Variants in DYNC1H1 observed in about 807,000 individuals in gnomAD.
DYNC1H1 encodes the protein dynein cytoplasmic 1 heavy chain 1, also known as cytoplasmic dynein 1 heavy chain 1.
A neutral mutation model predicts 527.1 loss-of-function variants in DYNC1H1; 51 were observed. The observed-to-expected ratio is 0.10, with a 90% CI of 0.08 to 0.12. The LOEUF (loss-of-function observed/expected upper bound fraction) is 0.12, where lower values mean the gene tolerates loss of function less well. Among genes scored for constraint, DYNC1H1 ranks in the 10% least tolerant of loss-of-function variants. The pLI is 1.00. For synonymous variants in DYNC1H1, 2,189 were observed against 2,278.8 expected, an observed-to-expected ratio of 0.96 and a Z score of 1.12; for missense variants, 2,771 against 5,971.8, an observed-to-expected ratio of 0.46 and a Z score of 17.66.
At position 101,986,572 on chromosome 14, in the gene DYNC1H1, G is replaced by A. The variant is rs1566999327; in HGVS notation, c.2347G>A (p.Glu783Lys). ...TTACCCGTTTGCCATCTCACTGATC[G>A]AGAGCGTTCGTACCTATGAACGGAC... Reference protein sequence around the residue: ...QLYPFAISLIESVRTYERTCE... With the variant: ...QLYPFAISLIKSVRTYERTCE... The change falls in exon 8 of 78, where the codon GAG becomes AAG. Residue 783 changes from glutamate to lysine, a missense_variant. Transcript: ENST00000360184. The surrounding 1 kb of genome is among the most constrained non-coding windows in gnomAD (Gnocchi z 8.7). The A allele has an allele frequency of 6.2e-7, 1 of 1,614,112 alleles. No homozygotes were observed. Among genetic ancestry groups the A allele is most frequent in the Non-Finnish European group, 8.5e-7 (1 of 1,180,030 alleles).
intron 23 of DYNC1H1, among the ~76,000 whole-genome samples, chr14:102,003,299 G>A (rs2048152766): frequency 6.9e-6 from 1 of 144,740 alleles, no homozygotes; most frequent in South Asian, 2.1e-4. Flanking sequence ...GTCTTGCTCT[G>A]TCGCCCAGGC....
At chr14:102,026,763 T>TG (rs2048456008) in intron 44 of DYNC1H1, 56 bp downstream of exon 44, 2 of 1,595,812 alleles carry the variant, frequency 1.3e-6, no homozygotes, top group African/African-American at 1.3e-5. Flanking sequence ...CTTGAGTAAG[T>TG]GTGTGTGCCG....
Position 102,042,529 on chromosome 14 carries a change from G to A in DYNC1H1, c.12399+22G>A. ...CAAGGTGGGTGGTTGAAGGAGTGGAGACGTTGCAGGCTGGCCTGGCACTGT... is the reference window on the plus strand; with the variant it reads ...CAAGGTGGGTGGTTGAAGGAGTGGAAACGTTGCAGGCTGGCCTGGCACTGT... On this transcript the variant is annotated intron_variant, in intron 68 of 77. Transcript: ENST00000360184. The surrounding 1 kb of genome is among the most constrained non-coding windows in gnomAD (Gnocchi z 5.7). 6.2e-7 allele frequency: 1 copy of A among 1,614,126 alleles called. No homozygotes were observed. Among genetic ancestry groups the A allele is most frequent in the Non-Finnish European group, 8.5e-7 (1 of 1,180,016 alleles).
chr14:101,993,088 C>G (rs1320616389), intron 11 of DYNC1H1, among the ~76,000 whole-genome samples: 13 of 151,918 alleles, frequency 8.6e-5, no homozygotes, highest in Non-Finnish European at 1.2e-4. Flanking sequence ...GGAGTCGCGT[C>G]ACACTGAGCA....
Position 102,016,026 on chromosome 14 carries a change from G to A in DYNC1H1, c.7413G>A (p.Gln2471=), listed in dbSNP as rs1595617216. ...ACCAGGCCTGCCGCAACGTGGCGCA[G>A]TATAACGCCAACCATCCCGACTTCC... ...MLHQACRNVA[Q]YNANHPDFPM... is the part of the protein sequence containing the mutation. The change falls in exon 36 of 78, where the codon CAG becomes CAA. Residue 2471 remains glutamine, a synonymous_variant. Coordinates refer to ENST00000360184, the MANE Select transcript of DYNC1H1 (RefSeq NM_001376.5). The surrounding 1 kb of genome is among the most constrained non-coding windows in gnomAD (Gnocchi z 7.3). 1 of 1,613,664 alleles carries A rather than the reference G, an allele frequency of 6.2e-7. No homozygotes were observed. The highest frequency in any genetic ancestry group is 1.1e-5 in the South Asian group (1 of 91,048).
intron 27 of DYNC1H1, among the ~76,000 whole-genome samples, 181 bp from the exon 28 acceptor site, chr14:102,006,827 T>A (rs1181652282): frequency 6.6e-6 from 1 of 151,908 alleles, no homozygotes; most frequent in Non-Finnish European, 1.5e-5. Context: ...CTCGAACTCC[T>A]GACCTCAGGT....
chr14:102,043,127 T>A (rs1022473633), intron 69 of DYNC1H1: 1 of 335,006 alleles, frequency 3.0e-6, no homozygotes, highest in South Asian at 2.4e-5. Context: ...ACTAAAAATA[T>A]AAAAAATTAG....
rs2048334032 is a variant in DYNC1H1 at position 102,017,250 on chromosome 14, A to G, written c.8011A>G (p.Met2671Val). ...CTGTGATGAAATCAACTTGCCAGAT[A>G]TGGATAAATATGGGACCCAGAGGGT... Reference protein sequence around the residue: ...LFCDEINLPDMDKYGTQRVIS... With the variant: ...LFCDEINLPDVDKYGTQRVIS... Residue 2671 changes from methionine to valine, a missense_variant, in exon 39 of 78, where the codon ATG becomes GTG. This residue lies in a region of DYNC1H1 where 163 missense variants were observed against 346.9 expected (regional missense o/e 0.47). Transcript: ENST00000360184. The surrounding 1 kb of genome is among the most constrained non-coding windows in gnomAD (Gnocchi z 4.6). 1 of 1,614,128 alleles carries G rather than the reference A, an allele frequency of 6.2e-7. No individual in the cohort carries two copies. The highest frequency in any genetic ancestry group is 1.3e-5 in the African/African-American group (1 of 74,946).
chr14:102,034,945 A>C, intron 56 of DYNC1H1: 2 of 244,390 alleles, frequency 8.2e-6, no homozygotes, highest in Non-Finnish European at 1.6e-5. Flanking sequence ...AAAACATAAA[A>C]ATAGGCCGGG....
chr14:101,983,095 T>A lies in DYNC1H1; in HGVS notation c.1038T>A (p.Ser346=). The A allele has an allele frequency of 6.2e-7, 1 of 1,614,240 alleles. No individual in the cohort carries two copies. The highest frequency in any genetic ancestry group is 8.5e-7 in the Non-Finnish European group (1 of 1,180,032). The change falls in exon 6 of 78, where the codon TCT becomes TCA. Residue 346 remains serine (S), a synonymous_variant. Coordinates refer to ENST00000360184, the MANE Select transcript of DYNC1H1 (RefSeq NM_001376.5). The surrounding 1 kb of genome is among the most constrained non-coding windows in gnomAD (Gnocchi z 5.3). ...MKDFPLNDLL[S]ATELDKIRQA... is the part of the protein sequence containing the mutation. ...ATTTCCCTCTGAATGATTTGCTGTC[T>A]GCCACGGAGCTGGACAAAATAAGAC...
At position 102,033,596 on chromosome 14, in the gene DYNC1H1, A is replaced by G. The variant is rs554199287; in HGVS notation, c.10413+112A>G. The G allele has an allele frequency of 2.9e-6, 4 of 1,395,720 alleles. No homozygotes were observed. The South Asian group carries it at 4.9e-5, about 17-fold the overall frequency. 86.5% of individuals were successfully genotyped at this position (1,395,720 alleles called of 1,614,324 possible). ...GGCCTCGGTGAATTCGCTCTTTAAC[A>G]TCTGTAAGGCCCCGGAGGACTTTTT... is the stretch of plus-strand genomic sequence containing the variant. On this transcript the variant is annotated intron_variant, in intron 54 of 77. Transcript: ENST00000360184. The surrounding 1 kb of genome is among the most constrained non-coding windows in gnomAD (Gnocchi z 5.6).
At position 101,966,045 on chromosome 14, in the gene DYNC1H1, T is replaced by C. The variant is rs185803550; in HGVS notation, c.256+1098T>C. On this transcript the variant is annotated intron_variant, in intron 1 of 77. Coordinates refer to ENST00000360184, the MANE Select transcript of DYNC1H1 (RefSeq NM_001376.5). ...TCCATCTAAGAACCTAAGGATGATGTCCAAGGTTAGCCTCTAGGGATTGGA... is the reference window on the plus strand; with the variant it reads ...TCCATCTAAGAACCTAAGGATGATGCCCAAGGTTAGCCTCTAGGGATTGGA... 8.5e-5 allele frequency among the ~76,000 whole-genome samples: 13 copies of C among 152,266 alleles called. No homozygotes were observed. In the East Asian group the frequency reaches 2.3e-3, roughly 27 times the overall value.
At position 102,049,183 on chromosome 14, in the gene DYNC1H1, C is replaced by T; in HGVS notation, c.13373-257C>T. 1 of 559,170 alleles carries T rather than the reference C, an allele frequency of 1.8e-6. No individual in the cohort carries two copies. The highest frequency in any genetic ancestry group is 2.0e-5 in the South Asian group (1 of 50,596). The allele number at this position is 559,170 out of a possible 1,614,324, so 34.6% of individuals were successfully genotyped here. A position where few individuals can be genotyped will look rare whatever the true frequency, so the allele number is the denominator to read the frequency against. ...GTTTTGCTTGGATGTGATTATGGTC[C>T]TCCAGAAAGACACACCTGGACTAAT... is the stretch of plus-strand genomic sequence containing the variant. On this transcript the variant is annotated intron_variant, in intron 74 of 77. Coordinates refer to ENST00000360184, the MANE Select transcript of DYNC1H1 (RefSeq NM_001376.5). This position sits in a 1 kb window ranked among gnomAD's most constrained non-coding sequence, Gnocchi z 5.5.
intron 1 of DYNC1H1, among the ~76,000 whole-genome samples, chr14:101,966,910 A>G (rs1325887594): frequency 2.0e-5 from 3 of 152,206 alleles, no homozygotes; most frequent in Non-Finnish European, 4.4e-5. Flanking sequence ...TTCTTTCAGC[A>G]AAACAAATAT....
chr14:102,054,298 G>C lies in DYNC1H1; in HGVS notation c.*3735G>C, dbSNP rs1227648021. The stretch of plus-strand genomic sequence containing the variant: ...TGAGGGGCAAGCGAAGCTGAGGCCA[G>C]ACCCACCCCCGAGTCTTCCCTCTGC... On this transcript the variant is annotated 3_prime_UTR_variant, in exon 78 of 78. Coordinates refer to ENST00000360184, the MANE Select transcript of DYNC1H1 (RefSeq NM_001376.5). 6.6e-6 allele frequency: 1 copy of C among 152,396 alleles called. No individual in the cohort carries two copies. The highest frequency in any genetic ancestry group is 2.4e-5 in the African/African-American group (1 of 41,458). 9.4% of individuals were successfully genotyped at this position (152,396 alleles called of 1,614,324 possible).
rs749713831 is a variant in DYNC1H1 at position 102,038,772 on chromosome 14, C to T, written c.11130C>T (p.Ser3710=). Residue 3710 remains serine (S), a synonymous_variant, in exon 59 of 78, where the codon AGC becomes AGT. Transcript: ENST00000360184. This position sits in a 1 kb window ranked among gnomAD's most constrained non-coding sequence, Gnocchi z 7.2. ...CAGTTACCCGTAGCAGTTTACAAAG[C>T]CAGTGTCTAAATGAAGTACTTAAAG... is the stretch of plus-strand genomic sequence containing the variant. The part of the protein sequence containing the change: ...NFTVTRSSLQ[S]QCLNEVLKAE... The T allele has an allele frequency of 2.1e-5, 34 of 1,614,050 alleles. No homozygotes were observed. Among genetic ancestry groups the T allele is most frequent in the South Asian group, 4.4e-5 (4 of 91,080 alleles).
rs10131565 is a variant in DYNC1H1, at chr14:102,002,379, G to A, written c.4543-158G>A. Among the ~76,000 whole-genome samples, 18,760 of 152,190 alleles carry A rather than the reference G, an allele frequency of 0.12. 1,893 individuals carry two copies. The highest frequency in any genetic ancestry group is 0.28 in the African/African-American group (11,509 of 41,478). ...ACCCGCCTCGGCCTCCCAAAATGCT[G>A]GGATTACAGGCGTGAGCCACCACAC... On this transcript the variant is annotated intron_variant, in intron 21 of 77. Coordinates refer to ENST00000360184, the MANE Select transcript of DYNC1H1 (RefSeq NM_001376.5). This position sits in a 1 kb window ranked among gnomAD's most constrained non-coding sequence, Gnocchi z 4.4.
Position 101,997,516 on chromosome 14 carries a change from C to G in DYNC1H1, c.3804+242C>G, listed in dbSNP as rs1010571128. On this transcript the variant is annotated intron_variant, in intron 16 of 77. Transcript: ENST00000360184. The surrounding 1 kb of genome is among the most constrained non-coding windows in gnomAD (Gnocchi z 4.8). Reference sequence around the variant, plus strand: ...TTTTAAGGATTAAAGTTTTTCTGTTCTTAGATCATTCTCTTACGTAGATAT... The same window carrying G: ...TTTTAAGGATTAAAGTTTTTCTGTTGTTAGATCATTCTCTTACGTAGATAT... 2.0e-5 allele frequency among the ~76,000 whole-genome samples: 3 copies of G among 152,180 alleles called. No individual in the cohort carries two copies. The highest frequency in any genetic ancestry group is 7.2e-5 in the African/African-American group (3 of 41,450).
At chr14:101,982,739 G>A (rs2047883133) in intron 5 of DYNC1H1, among the ~76,000 whole-genome samples, 1 of 148,404 alleles carries the variant, frequency 6.7e-6, no homozygotes, top group Non-Finnish European at 1.5e-5. Context: ...AATGTTGAGG[G>A]CCACTGATAT....
Sources: gnomAD v4.1 joint callset for allele counts (sites outside exome capture counted in the v4.1 genomes callset) on GRCh38, gnomAD v4.1.1 for gene constraint, gnomAD v4.1.1 regional missense constraint, Gnocchi (gnomAD v3.1) non-coding constraint, MANE v1.5 for transcripts, NCBI Gene and HGNC (gene_info 2026-07-23, HGNC 2026-07-21) for gene names.